PIBF1: variants seen among roughly 807,000 people sequenced by gnomAD.
The protein encoded by PIBF1 is progesterone immunomodulatory binding factor 1.
Under a neutral mutation model 112.5 loss-of-function variants are expected in PIBF1, and 90 were observed. The observed-to-expected ratio is 0.80, with a 90% confidence interval of 0.67 to 0.95. The LOEUF (loss-of-function observed/expected upper bound fraction) is 0.95, where lower values mean the gene tolerates loss of function less well. PIBF1 is among the 40% of genes least tolerant of loss of function. PIBF1 has a pLI of 0.00. For missense variants in PIBF1, 915 were observed against 852.3 expected (o/e 1.07, Z -0.92); for synonymous variants, 301 against 288.6 (o/e 1.04, Z -0.44).
At chr13:72,907,590 A>G (rs1241376458) in intron 11 of PIBF1, among the ~76,000 whole-genome samples, 2 of 152,102 alleles carry the variant, frequency 1.3e-5, no homozygotes, top group East Asian at 3.8e-4. Flanking sequence ...AGGTAGGCCT[A>G]TAAAGAATAA....
At chr13:72,933,572 G>C (rs1278349648) in intron 14 of PIBF1, among the ~76,000 whole-genome samples, 4 of 152,250 alleles carry the variant, frequency 2.6e-5, no homozygotes, top group Admixed American at 2.6e-4. Context: ...TGAGGCACGA[G>C]AATCACTTGA....
At chr13:72,805,303 T>C (rs961241662) in intron 5 of PIBF1, among the ~76,000 whole-genome samples, 1 of 152,126 alleles carries the variant, frequency 6.6e-6, no homozygotes, top group Non-Finnish European at 1.5e-5. Flanking sequence ...CCACGACGCC[T>C]GGCTAATTTT....
rs2042957876 is a variant in PIBF1 at position 72,973,800 on chromosome 13, G to A, written c.2049+125G>A. The A allele has an allele frequency of 5.2e-6, 3 of 577,692 alleles. No homozygotes were observed. In the East Asian group the frequency reaches 9.5e-5, roughly 18 times the overall value. The allele number at this position is 577,692 out of a possible 1,614,324, so 35.8% of individuals were successfully genotyped here. A position where few individuals can be genotyped will look rare whatever the true frequency, so the allele number is the denominator to read the frequency against. On this transcript the variant is annotated intron_variant, in intron 16 of 17. Coordinates refer to ENST00000326291, the MANE Select transcript of PIBF1 (RefSeq NM_006346.4). Reference sequence around the variant, plus strand: ...TGACTTCTCTTATTTATGTCTCACTGTAATTTTGTCCTTTTTTATTCAACT... The same window carrying A: ...TGACTTCTCTTATTTATGTCTCACTATAATTTTGTCCTTTTTTATTCAACT...
chr13:72,821,899 A>C lies in PIBF1; in HGVS notation c.723A>C (p.Gln241His). ...ACTCTGAAGTTCAAATTAGATGTCA[A>C]CGTTTGGCCTTAGAATTAGCAGACA... ...KNYSEVQIRCQRLALELADTK... is the reference protein window; with the variant it reads ...KNYSEVQIRCHRLALELADTK... Residue 241 changes from glutamine (Q) to histidine (H), a missense_variant, in exon 6 of 18, where the codon CAA (glutamine) becomes CAC (histidine). Physicochemically the swap from Gln to His is conservative, Grantham distance 24. Transcript: ENST00000326291. 4 of 1,612,878 alleles carry C rather than the reference A, an allele frequency of 2.5e-6. No homozygotes were observed. The highest frequency in any genetic ancestry group is 3.4e-6 in the Non-Finnish European group (4 of 1,179,186).
chr13:72,987,862 T>TA (rs1427777278), intron 16 of PIBF1, among the ~76,000 whole-genome samples: 1 of 87,088 alleles, frequency 1.1e-5, no homozygotes, highest in Non-Finnish European at 2.3e-5. Flanking sequence ...TTATTTATTT[T>TA]TTTTTTTTTT....
At chr13:72,934,561 T>C (rs1390143038) in intron 14 of PIBF1, among the ~76,000 whole-genome samples, 1 of 152,150 alleles carries the variant, frequency 6.6e-6, no homozygotes, top group Non-Finnish European at 1.5e-5. Flanking sequence ...TAAATCAGTT[T>C]GGCCTTTTTG....
chr13:72,873,628 G>C, intron 10 of PIBF1, among the ~76,000 whole-genome samples: 1 of 151,946 alleles, frequency 6.6e-6, no homozygotes, highest in Non-Finnish European at 1.5e-5. Context: ...TCTGACCTCA[G>C]GCACTCCACC....
intron 16 of PIBF1, among the ~76,000 whole-genome samples, chr13:72,994,119 A>G (rs577046564): frequency 1.3e-4 from 6 of 44,932 alleles, no homozygotes; most frequent in Non-Finnish European, 2.2e-4. Flanking sequence ...TCTCAAAAAA[A>G]AAAGAAAAAA....
At chr13:72,961,884 A>G (rs1477110437) in intron 14 of PIBF1, among the ~76,000 whole-genome samples, 1 of 152,178 alleles carries the variant, frequency 6.6e-6, no homozygotes, top group East Asian at 1.9e-4. Context: ...ATAAGTTGAT[A>G]AAAATCCTTT....
At chr13:72,806,457 G>T (rs777029497) in intron 5 of PIBF1, among the ~76,000 whole-genome samples, 3 of 151,872 alleles carry the variant, frequency 2.0e-5, no homozygotes, top group Admixed American at 6.6e-5. Context: ...CTCCTGCCAT[G>T]GTGGTTTGCT....
At chr13:72,880,873 T>A (rs1463120053) in intron 10 of PIBF1, among the ~76,000 whole-genome samples, 3 of 152,176 alleles carry the variant, frequency 2.0e-5, no homozygotes, top group Admixed American at 2.0e-4. Context: ...CAGACTTGAA[T>A]GCAGATTTCA....
In PIBF1 at chr13:72,849,319, G is replaced by A. The variant is rs527920552; in HGVS notation, c.1224-4738G>A. ...TTGTTATAATTACATTTGATTATAC[G>A]CTTGGTTTGGACTTCTAAAACTTGA... On this transcript the variant is annotated intron_variant, in intron 9 of 17. Transcript: ENST00000326291. 1.9e-4 allele frequency among the ~76,000 whole-genome samples: 29 copies of A among 152,232 alleles called. 1 individual carries two copies. The South Asian group carries it at 3.5e-3, about 19-fold the overall frequency.
chr13:72,866,790 T>C (rs559049729), intron 10 of PIBF1, among the ~76,000 whole-genome samples: 23 of 152,320 alleles, frequency 1.5e-4, no homozygotes, highest in African/African-American at 5.5e-4. Flanking sequence ...ATAATGACTA[T>C]TTCATGTTTT....
At chr13:72,801,872 A>G (rs2138004233) in intron 5 of PIBF1, among the ~76,000 whole-genome samples, 1 of 152,362 alleles carries the variant, frequency 6.6e-6, no homozygotes, top group African/African-American at 2.4e-5. Flanking sequence ...GAGAAAATTT[A>G]TGACATTGTA....
intron 10 of PIBF1, among the ~76,000 whole-genome samples, chr13:72,886,552 T>G (rs1270628379): frequency 6.6e-6 from 1 of 152,064 alleles, no homozygotes; most frequent in East Asian, 1.9e-4. Context: ...AGTTAAGTAC[T>G]CTTCACATAC....
intron 3 of PIBF1, 119 bp downstream of exon 3, chr13:72,792,666 C>G (rs993052889): frequency 5.3e-6 from 3 of 568,292 alleles, no homozygotes; most frequent in South Asian, 2.5e-5. Flanking sequence ...TCAGAGATAG[C>G]AATAATTTTT....
intron 13 of PIBF1, among the ~76,000 whole-genome samples, chr13:72,917,896 A>C (rs1475884584): frequency 6.6e-6 from 1 of 152,180 alleles, no homozygotes; most frequent in African/African-American, 2.4e-5. Context: ...TTGTATGCAA[A>C]TATTATACCA....
intron 14 of PIBF1, among the ~76,000 whole-genome samples, chr13:72,937,829 G>T (rs902496559): frequency 6.6e-6 from 1 of 151,336 alleles, no homozygotes; most frequent in Non-Finnish European, 1.5e-5. Flanking sequence ...AAAAATAAAT[G>T]AAATGAAATA....
chr13:72,927,994 C>CATATGTATAT (rs1555316933), intron 13 of PIBF1, among the ~76,000 whole-genome samples: 1 of 79,950 alleles, frequency 1.3e-5, no homozygotes, highest in African/African-American at 6.3e-5. Flanking sequence ...TATATACACA[C>CATATGTATAT]ACATATATAT....
Sources: allele counts gnomAD v4.1 joint callset (sites outside exome capture counted in the v4.1 genomes callset), GRCh38; gene constraint gnomAD v4.1.1; transcripts MANE v1.5; gene names NCBI Gene and HGNC (gene_info 2026-07-23, HGNC 2026-07-21).